NRP2: variants seen among roughly 807,000 people sequenced by gnomAD.
NRP2 encodes neuropilin 2, also known as neuropilin-2.
In NRP2, 52 loss-of-function variants were observed where a neutral mutation model predicts 110.4. That is an observed-to-expected ratio of 0.47 (90% CI 0.38 to 0.59). The LOEUF is 0.59. Among genes scored for constraint, NRP2 ranks in the 20% least tolerant of loss-of-function variants. NRP2 has a pLI of 0.00. For missense variants in NRP2, 1,049 were observed against 1,203.0 expected, an observed-to-expected ratio of 0.87 and a Z score of 1.89; for synonymous variants, 508 against 468.9, an observed-to-expected ratio of 1.08 and a Z score of -1.08.
chr2:205,733,754 A>G (rs924972913), intron 7 of NRP2, among the ~76,000 whole-genome samples: 1 of 151,088 alleles, frequency 6.6e-6, no homozygotes, highest in African/African-American at 2.4e-5. Context: ...AAGCCCGCTC[A>G]TTGCTCTGAT....
chr2:205,757,635 CTG>C (rs922128612), intron 12 of NRP2, among the ~76,000 whole-genome samples: 5 of 152,166 alleles, frequency 3.3e-5, no homozygotes, highest in African/African-American at 1.2e-4. Flanking sequence ...CATTGAATTG[CTG>C]TTAGATTGAA....
At chr2:205,773,147 A>G (rs369914470) in intron 15 of NRP2, among the ~76,000 whole-genome samples, 2 of 152,288 alleles carry the variant, frequency 1.3e-5, no homozygotes, top group South Asian at 2.1e-4. Flanking sequence ...CCACAGCCTC[A>G]TTAGCATACA....
Position 205,697,637 on chromosome 2 carries a change from A to T in NRP2, c.167A>T (p.Glu56Val). 6.2e-7 allele frequency: 1 copy of T among 1,613,906 alleles called. No homozygotes were observed. Among genetic ancestry groups the T allele is most frequent in the Non-Finnish European group, 8.5e-7 (1 of 1,179,966 alleles). ...GACTACCCCTCCCACCAGAACTGCG[A>T]GTGGATTGTTTACGCCCCCGAACCC... is the stretch of plus-strand genomic sequence containing the variant. ...PQDYPSHQNC[E>V]WIVYAPEPNQ... The change falls in exon 2 of 17, where the codon GAG (glutamate) becomes GTG (valine). Residue 56 changes from glutamate to valine, a missense_variant. By Grantham distance (121) the Glu-to-Val change is moderately radical. Coordinates refer to ENST00000357785, the MANE Select transcript of NRP2 (RefSeq NM_003872.3).
chr2:205,743,835 C>T (rs2105875438), intron 9 of NRP2: 1 of 463,854 alleles, frequency 2.2e-6, no homozygotes, highest in African/African-American at 2.0e-5. Flanking sequence ...CCTCCGCCTC[C>T]AGGGTTCAAG....
chr2:205,745,797 C>T lies in NRP2; in HGVS notation c.1693C>T (p.Pro565Ser). 6.2e-7 allele frequency: 1 copy of T among 1,614,222 alleles called. No homozygotes were observed. ...CACCCCTGACATCCGAAGGTTTGAC[C>T]CCATTCCGGCACAGTATGTGCGGGT... The part of the protein sequence containing the change: ...YDTPDIRRFD[P>S]IPAQYVRVYP... Residue 565 changes from proline to serine, a missense_variant, in exon 10 of 17, where the codon CCC becomes TCC. By Grantham distance (74) the Pro-to-Ser change is moderately conservative. Transcript: ENST00000357785.
chr2:205,746,869 C>T (rs892296948), intron 10 of NRP2, among the ~76,000 whole-genome samples: 2 of 152,202 alleles, frequency 1.3e-5, no homozygotes, highest in Non-Finnish European at 2.9e-5. Context: ...GCAGAGGAGC[C>T]CTGTTGAGGC....
chr2:205,682,929 T>G lies in NRP2; in HGVS notation c.-362T>G, dbSNP rs1559298689. ...AGGCAAGTCTTGGTTTTAATTATTATTATTATCATTATTGTTACGCTTGGC... is the reference window on the plus strand; with the variant it reads ...AGGCAAGTCTTGGTTTTAATTATTAGTATTATCATTATTGTTACGCTTGGC... On this transcript the variant is annotated 5_prime_UTR_variant, in exon 1 of 17. The change creates a premature stop within an existing upstream ORF in the 5' untranslated region. Coordinates refer to ENST00000357785, the MANE Select transcript of NRP2 (RefSeq NM_003872.3). This position sits in a 1 kb window ranked among gnomAD's most constrained non-coding sequence, Gnocchi z 4.3. The G allele has an allele frequency of 1.6e-5, 4 of 242,836 alleles. No individual in the cohort carries two copies. Among genetic ancestry groups the G allele is most frequent in the Non-Finnish European group, 3.2e-5 (4 of 123,484 alleles). 15.0% of individuals were successfully genotyped at this position (242,836 alleles called of 1,614,324 possible). A position where few individuals can be genotyped will look rare whatever the true frequency, so the allele number is the denominator to read the frequency against.
At chr2:205,723,650 T>C in intron 4 of NRP2, 135 bp from the exon 5 acceptor site, 1 of 875,478 alleles carries the variant, frequency 1.1e-6, no homozygotes, top group Non-Finnish European at 1.9e-6. Context: ...TCTTGAAACA[T>C]ATCTTTGGTT....
Position 205,716,232 on chromosome 2 carries a change from C to T in NRP2, c.291C>T (p.Ser97=), listed in dbSNP as rs530087986. The T allele has an allele frequency of 2.6e-5, 42 of 1,614,158 alleles. 1 individual carries two copies. The highest frequency in any genetic ancestry group is 2.1e-4 in the African/African-American group (16 of 75,040). The part of the protein sequence containing the change: ...FIEIRDGDSE[S]ADLLGKHCGN... ...AGATTCGGGATGGGGACAGTGAATCCGCAGACCTCCTGGGCAAACACTGTG... is the reference window on the plus strand; with the variant it reads ...AGATTCGGGATGGGGACAGTGAATCTGCAGACCTCCTGGGCAAACACTGTG... The change falls in exon 3 of 17, where the codon TCC becomes TCT. Residue 97 remains serine (S), a synonymous_variant. Coordinates refer to ENST00000357785, the MANE Select transcript of NRP2 (RefSeq NM_003872.3).
At chr2:205,704,430 G>A (rs2056631303) in intron 2 of NRP2, among the ~76,000 whole-genome samples, 2 of 152,168 alleles carry the variant, frequency 1.3e-5, no homozygotes, top group South Asian at 4.1e-4. Flanking sequence ...GAAATATTCT[G>A]ATTCCCCTAA....
chr2:205,789,980 C>T (rs1027677520), intron 15 of NRP2, among the ~76,000 whole-genome samples: 1 of 152,138 alleles, frequency 6.6e-6, no homozygotes, highest in Non-Finnish European at 1.5e-5. Flanking sequence ...GTGTTTTCCC[C>T]AGTGTGCCAT....
Position 205,715,378 on chromosome 2 carries a change from G to A in NRP2, c.252-815G>A, listed in dbSNP as rs542417013. Among the ~76,000 whole-genome samples, 10 of 152,264 alleles carry A rather than the reference G, an allele frequency of 6.6e-5. No individual in the cohort carries two copies. The South Asian group carries it at 1.5e-3, about 22-fold the overall frequency. ...TGAGCACAGGCCTCCACTTCAGGAG[G>A]GCAGCCTGCCCTGCCTCTCACTGAG... On this transcript the variant is annotated intron_variant, in intron 2 of 16. Transcript: ENST00000357785.
At chr2:205,692,245 T>C (rs2056329607) in intron 1 of NRP2, among the ~76,000 whole-genome samples, 2 of 152,174 alleles carry the variant, frequency 1.3e-5, no homozygotes, top group African/African-American at 4.8e-5. Context: ...ATTGAGTAGA[T>C]TGCATCCCTT....
rs77077950 is a variant in NRP2 at position 205,764,390 on chromosome 2, A to T, written c.2307+454A>T. ...GGGCTGTTGGCGCTCAGTGGCCGGCAGACATGAGAGGCTCCAGAGTGAGTG... is the reference window on the plus strand; with the variant it reads ...GGGCTGTTGGCGCTCAGTGGCCGGCTGACATGAGAGGCTCCAGAGTGAGTG... On this transcript the variant is annotated intron_variant, in intron 13 of 16. Transcript: ENST00000357785. The T allele has an allele frequency of 0.017, 3,440 of 197,054 alleles. 231 individuals are homozygous for T. In the East Asian group the frequency reaches 0.2, roughly 11 times the overall value. 12.2% of individuals were successfully genotyped at this position (197,054 alleles called of 1,614,324 possible).
chr2:205,763,573 C>T lies in NRP2; in HGVS notation c.2045-101C>T, dbSNP rs142655021. The stretch of plus-strand genomic sequence containing the variant: ...AAGGACATGAATAAACCAAAGACAC[C>T]GAAACTCAGTCCCAACTTTCCCTTG... On this transcript the variant is annotated intron_variant, in intron 12 of 16. Transcript: ENST00000357785. The surrounding 1 kb of genome is among the most constrained non-coding windows in gnomAD (Gnocchi z 4.0). 2.3e-5 allele frequency: 34 copies of T among 1,510,806 alleles called. 1 individual carries two copies. Among genetic ancestry groups the T allele is most frequent in the African/African-American group, 5.5e-5 (4 of 72,962 alleles). 93.6% of individuals were successfully genotyped at this position (1,510,806 alleles called of 1,614,324 possible). A position where few individuals can be genotyped will look rare whatever the true frequency, so the allele number is the denominator to read the frequency against.
At chr2:205,750,651 C>T (rs1040517403) in intron 11 of NRP2, among the ~76,000 whole-genome samples, 1 of 152,218 alleles carries the variant, frequency 6.6e-6, no homozygotes, top group Non-Finnish European at 1.5e-5. Context: ...AATTTTGGAA[C>T]ACCTGGCATT....
intron 15 of NRP2, among the ~76,000 whole-genome samples, chr2:205,786,743 G>A (rs2058240012): frequency 6.6e-6 from 1 of 152,184 alleles, no homozygotes; most frequent in Admixed American, 6.5e-5. Flanking sequence ...TAACACAGAG[G>A]CTTAAAACTA....
At chr2:205,787,906 A>G (rs951893280) in intron 15 of NRP2, among the ~76,000 whole-genome samples, 67 of 152,126 alleles carry the variant, frequency 4.4e-4, no homozygotes, top group Non-Finnish European at 5.9e-4. Context: ...GTCTTACACT[A>G]CCAGGCAGTG....
intron 16 of NRP2, 90 bp from the exon 17 acceptor site, chr2:205,794,664 C>T: frequency 3.0e-6 from 4 of 1,331,258 alleles, no homozygotes; most frequent in Non-Finnish European, 4.3e-6. Context: ...AACTACTGTG[C>T]TCTGAAGAGC....
Sources: gnomAD v4.1 joint callset for allele counts (sites outside exome capture counted in the v4.1 genomes callset) on GRCh38, gnomAD v4.1.1 for gene constraint, Gnocchi (gnomAD v3.1) non-coding constraint, MANE v1.5 for transcripts, NCBI Gene and HGNC (gene_info 2026-07-23, HGNC 2026-07-21) for gene names.